STXBP3: variants seen among roughly 807,000 people sequenced by gnomAD.
STXBP3 encodes syntaxin-binding protein 3.
STXBP3 carries 41 observed loss-of-function variants against 85.7 expected under a neutral mutation model. That is an observed-to-expected ratio of 0.48 (90% CI 0.37 to 0.62). The LOEUF (loss-of-function observed/expected upper bound fraction) is 0.62. Ranked by LOEUF, STXBP3 falls within the 20% of genes least tolerant of loss-of-function variation. The probability of loss-of-function intolerance (pLI) is 0.00; values close to 1 mark genes in which losing one functional copy is unlikely to be tolerated. For synonymous variants in STXBP3, 229 were observed against 231.7 expected (o/e 0.99, Z 0.10); for missense variants, 563 against 703.1 (o/e 0.80, Z 2.25).
chr1:108,794,749 T>C (rs2101131899), intron 12 of STXBP3, 78 bp from the exon 13 acceptor site: 1 of 1,260,438 alleles, frequency 7.9e-7, no homozygotes, highest in East Asian at 2.5e-5. Flanking sequence ...CTTTCAGGCC[T>C]GTCTCAAAAG....
intron 13 of STXBP3, 48 bp downstream of exon 13, chr1:108,794,955 T>A: frequency 6.7e-7 from 1 of 1,498,092 alleles, no homozygotes; most frequent in Non-Finnish European, 9.1e-7. Context: ...ATTTCAAGGA[T>A]AAACTTTGTA....
chr1:108,758,441 C>G, intron 4 of STXBP3, 69 bp from the exon 5 acceptor site: 1 of 681,164 alleles, frequency 1.5e-6, no homozygotes, highest in African/African-American at 1.9e-5. Flanking sequence ...TAATCTTAGT[C>G]ATTTCAAAAG....
intron 1 of STXBP3, among the ~76,000 whole-genome samples, chr1:108,750,774 GTC>G (rs906019324): frequency 5.1e-4 from 78 of 152,282 alleles, no homozygotes; most frequent in African/African-American, 1.8e-3. Context: ...CCACACTTCT[GTC>G]TGTCTTGGCT....
In STXBP3 at chr1:108,796,607, T is replaced by G. The variant is rs776263620; in HGVS notation, c.1250-13T>G. ...ATTGTGTGATTGTGCACTCATATTT[T>G]TACCTATTTAAGGAACTACGGAAGA... is the stretch of plus-strand genomic sequence containing the variant. On this transcript the variant is annotated splice_polypyrimidine_tract_variant and intron_variant, in intron 14 of 18. Coordinates refer to ENST00000370008, the MANE Select transcript of STXBP3 (RefSeq NM_007269.4). The G allele has an allele frequency of 3.7e-6, 6 of 1,608,848 alleles. No individual in the cohort carries two copies. In the East Asian group the frequency reaches 1.1e-4, roughly 30 times the overall value.
rs137947819 is a variant in STXBP3, at chr1:108,774,013, C to A, written c.593+1194C>A. Among the ~76,000 whole-genome samples the A allele has an allele frequency of 6.6e-5, 10 of 152,256 alleles. No homozygotes were observed. The East Asian group carries it at 1.7e-3, about 26-fold the overall frequency. On this transcript the variant is annotated intron_variant, in intron 7 of 18. Transcript: ENST00000370008. ...GCCTCTCTTGTGATCCCTCCCAGCTCTCCCGTCCCTTTTCTTCCCTAGAGA... is the reference window on the plus strand; with the variant it reads ...GCCTCTCTTGTGATCCCTCCCAGCTATCCCGTCCCTTTTCTTCCCTAGAGA...
At chr1:108,787,540 C>T (rs868665601) in intron 11 of STXBP3, among the ~76,000 whole-genome samples, 21 of 151,876 alleles carry the variant, frequency 1.4e-4, no homozygotes, top group Admixed American at 9.2e-4. Flanking sequence ...GCTTGTCATA[C>T]GTTTAAAATT....
chr1:108,793,456 A>G, intron 11 of STXBP3, 126 bp from the exon 12 acceptor site: 4 of 782,434 alleles, frequency 5.1e-6, no homozygotes, highest in Non-Finnish European at 5.8e-6. Flanking sequence ...TCTTCTTTCA[A>G]AAAAATTGTC....
At chr1:108,786,312 T>C (rs1293319193) in intron 11 of STXBP3, among the ~76,000 whole-genome samples, 1 of 152,130 alleles carries the variant, frequency 6.6e-6, no homozygotes, top group Non-Finnish European at 1.5e-5. Flanking sequence ...ACTCACTCAC[T>C]ATCACAAGAA....
intron 9 of STXBP3, chr1:108,781,502 T>C (rs1662714085): frequency 6.6e-6 from 1 of 152,230 alleles, no homozygotes; most frequent in African/African-American, 2.4e-5. Context: ...CCTTAAATTG[T>C]TGCTCACTTC....
intron 17 of STXBP3, 135 bp from the exon 18 acceptor site, chr1:108,807,257 CAAAAAAAAA>C (rs201346701): frequency 2.3e-4 from 161 of 699,724 alleles, no homozygotes; most frequent in Middle Eastern, 4.8e-4. Context: ...GACTCCACCT[CAAAAAAAAA>C]AAAAAAAAAA....
chr1:108,807,253 A>C (rs1316037), intron 17 of STXBP3, 148 bp from the exon 18 acceptor site: 1 of 786,742 alleles, frequency 1.3e-6, no homozygotes, highest in African/African-American at 2.4e-5. Flanking sequence ...GTGAGACTCC[A>C]CCTCAAAAAA....
At chr1:108,750,731 A>T (rs1661881867) in intron 1 of STXBP3, among the ~76,000 whole-genome samples, 1 of 152,186 alleles carries the variant, frequency 6.6e-6, no homozygotes, top group African/African-American at 2.4e-5. Context: ...TACTGCCTTC[A>T]CTTCAAATGC....
intron 11 of STXBP3, among the ~76,000 whole-genome samples, chr1:108,791,837 A>G (rs1436450323): frequency 2.0e-5 from 3 of 152,110 alleles, no homozygotes; most frequent in East Asian, 1.9e-4. Context: ...CCTGACAACT[A>G]CTAATCTGTT....
chr1:108,806,600 C>T (rs192691538), intron 17 of STXBP3, among the ~76,000 whole-genome samples: 1 of 152,054 alleles, frequency 6.6e-6, no homozygotes, highest in Non-Finnish European at 1.5e-5. Context: ...GAATAAAAAT[C>T]GAAACACAGG....
chr1:108,804,863 C>T (rs1663298054), intron 17 of STXBP3, among the ~76,000 whole-genome samples: 1 of 152,162 alleles, frequency 6.6e-6, no homozygotes, highest in African/African-American at 2.4e-5. Context: ...AGGGCTCGGC[C>T]CCTTGTTTGC....
chr1:108,796,240 G>A lies in STXBP3; in HGVS notation c.1117G>A (p.Ala373Thr). 1 of 1,607,004 alleles carries A rather than the reference G, an allele frequency of 6.2e-7. No individual in the cohort carries two copies. The highest frequency in any genetic ancestry group is 8.5e-7 in the Non-Finnish European group (1 of 1,178,052). ...ATATTTTATTTTCATTAAGGACCTGGCACTTGGAACTGATGCAGAAGGACA... is the reference window on the plus strand; with the variant it reads ...ATATTTTATTTTCATTAAGGACCTGACACTTGGAACTGATGCAGAAGGACA... Reference protein sequence around the residue: ...EKLCKTEQDLALGTDAEGQKV... With the variant: ...EKLCKTEQDLTLGTDAEGQKV... The change falls in exon 14 of 19, where the codon GCA becomes ACA. Residue 373 changes from alanine to threonine, a missense_variant. By Grantham distance (58) the Ala-to-Thr change is moderately conservative. Transcript: ENST00000370008.
intron 7 of STXBP3, 133 bp from the exon 8 acceptor site, chr1:108,776,200 C>T: frequency 4.0e-6 from 2 of 497,460 alleles, no homozygotes; most frequent in African/African-American, 1.9e-5. Context: ...TGAACTTTTA[C>T]ATGTTTATAA....
At chr1:108,805,125 C>T (rs1031513004) in intron 17 of STXBP3, among the ~76,000 whole-genome samples, 2 of 152,154 alleles carry the variant, frequency 1.3e-5, no homozygotes, top group Non-Finnish European at 2.9e-5. Context: ...TAAATATAAT[C>T]CCGTTACTCT....
chr1:108,767,165 C>G (rs1317229715), intron 6 of STXBP3: 1 of 284,528 alleles, frequency 3.5e-6, no homozygotes, highest in Non-Finnish European at 6.9e-6. Context: ...CATCTTCTCC[C>G]TCTGGGTCTG....
Sources: gnomAD v4.1 joint callset for allele counts (sites outside exome capture counted in the v4.1 genomes callset) on GRCh38, gnomAD v4.1.1 for gene constraint, MANE v1.5 for transcripts, NCBI Gene and HGNC (gene_info 2026-07-23, HGNC 2026-07-21) for gene names.